CFAP61: variants seen among roughly 807,000 people sequenced by gnomAD.
CFAP61 encodes cilia- and flagella-associated protein 61.
In CFAP61, 107 loss-of-function variants were observed where a neutral mutation model predicts 135.6. The ratio of observed to expected loss-of-function variants is 0.79; its 90% confidence interval spans 0.67 to 0.93. The LOEUF (loss-of-function observed/expected upper bound fraction) is 0.93. CFAP61 is among the 40% of genes least tolerant of loss of function. The pLI is 0.00. For missense variants in CFAP61, 1,507 were observed against 1,556.2 expected, an observed-to-expected ratio of 0.97 and a Z score of 0.53; for synonymous variants, 575 against 578.5, an observed-to-expected ratio of 0.99 and a Z score of 0.09.
intron 17 of CFAP61, among the ~76,000 whole-genome samples, chr20:20,202,328 T>A (rs1407191726): frequency 6.6e-6 from 1 of 152,246 alleles, no homozygotes; most frequent in African/African-American, 2.4e-5. Flanking sequence ...AGGTGAATTC[T>A]GACTGTTTAA....
chr20:20,224,598 A>G (rs921304170), intron 17 of CFAP61, among the ~76,000 whole-genome samples: 1 of 152,106 alleles, frequency 6.6e-6, no homozygotes, highest in Non-Finnish European at 1.5e-5. Flanking sequence ...TCCCTTTGTC[A>G]AGAATCACTT....
intron 25 of CFAP61, among the ~76,000 whole-genome samples, chr20:20,300,853 G>A (rs1312540815): frequency 7.9e-5 from 12 of 151,982 alleles, no homozygotes; most frequent in African/African-American, 1.7e-4. Flanking sequence ...TGATCCACCC[G>A]CCTCCGCCTC....
intron 9 of CFAP61, among the ~76,000 whole-genome samples, chr20:20,144,982 A>G (rs944507007): frequency 2.0e-5 from 3 of 152,196 alleles, no homozygotes; most frequent in South Asian, 2.1e-4. Flanking sequence ...CTACACAGAA[A>G]AGGTGGAAAG....
intron 25 of CFAP61, among the ~76,000 whole-genome samples, chr20:20,317,588 G>T (rs928022322): frequency 6.6e-6 from 1 of 152,144 alleles, no homozygotes; most frequent in Non-Finnish European, 1.5e-5. Flanking sequence ...AATTTGGGGA[G>T]AAGAGGGCAC....
chr20:20,216,033 A>G (rs1274600920), intron 17 of CFAP61, among the ~76,000 whole-genome samples: 40 of 152,164 alleles, frequency 2.6e-4, no homozygotes, highest in Admixed American at 2.6e-3. Context: ...AAAATCCATT[A>G]TTTATTGCAC....
rs11336136 is a variant in CFAP61 at position 20,065,992 on chromosome 20, G to GA, written c.144-4854dup. On this transcript the variant is annotated intron_variant, in intron 2 of 26. Coordinates refer to ENST00000245957, the MANE Select transcript of CFAP61 (RefSeq NM_015585.4). ...ACAAAGAACTTAAACAAATTTACAA[G>GA]AAAAAAAACAACCCCATCAAAAAGT... is the stretch of plus-strand genomic sequence containing the variant. 1.7e-4 allele frequency among the ~76,000 whole-genome samples: 26 copies of GA among 151,758 alleles called. No individual in the cohort carries two copies. In the East Asian group the frequency reaches 3.9e-3, roughly 23 times the overall value.
chr20:20,323,261 C>G, intron 25 of CFAP61: 10 of 985,416 alleles, frequency 1.0e-5, no homozygotes, highest in Non-Finnish European at 1.2e-5. Flanking sequence ...CCTTCGTCTT[C>G]GATTTTTCTA....
At chr20:20,353,357 T>C (rs928936405) in intron 26 of CFAP61, among the ~76,000 whole-genome samples, 8 of 152,162 alleles carry the variant, frequency 5.3e-5, no homozygotes, top group African/African-American at 1.9e-4. Flanking sequence ...CAGGTGTGGA[T>C]GGAAATGTAC....
rs2045967997 is a variant in CFAP61, at chr20:20,075,219, C to T, written c.402C>T (p.His134=). 2 of 1,614,150 alleles carry T rather than the reference C, an allele frequency of 1.2e-6. No individual in the cohort carries two copies. Among genetic ancestry groups the T allele is most frequent in the Non-Finnish European group, 1.7e-6 (2 of 1,180,012 alleles). Residue 134 remains histidine, a synonymous_variant, in exon 5 of 27, where the codon CAC becomes CAT. Coordinates refer to ENST00000245957, the MANE Select transcript of CFAP61 (RefSeq NM_015585.4). The part of the protein sequence containing the change: ...RTVYKAVPEL[H]FIFLIVPSYM... Reference sequence around the variant, plus strand: ...TGTATAAGGCAGTGCCAGAGCTGCACTTCATATTTCTCATCGTGCCATCCT... The same window carrying T: ...TGTATAAGGCAGTGCCAGAGCTGCATTTCATATTTCTCATCGTGCCATCCT...
At chr20:20,107,124 A>C (rs2048464093) in intron 8 of CFAP61, among the ~76,000 whole-genome samples, 2 of 152,232 alleles carry the variant, frequency 1.3e-5, no homozygotes, top group African/African-American at 2.4e-5. Flanking sequence ...GGTCACTGTG[A>C]GTTCTGTTTA....
chr20:20,290,312 C>A lies in CFAP61; in HGVS notation c.3137C>A (p.Pro1046His). The A allele has an allele frequency of 6.2e-7, 1 of 1,612,388 alleles. No homozygotes were observed. The highest frequency in any genetic ancestry group is 8.5e-7 in the Non-Finnish European group (1 of 1,178,360). ...CCATCTCTTCTAGGGGGCATTCTTC[C>A]TGGGTCTTACCATTATCTGCATATT... is the stretch of plus-strand genomic sequence containing the variant. Reference protein sequence around the residue: ...KGAKIQGGILPGSYHYLHIAK... With the variant: ...KGAKIQGGILHGSYHYLHIAK... Residue 1046 changes from proline to histidine, a missense_variant, in exon 24 of 27, where the codon CCT becomes CAT. By Grantham distance (77) the Pro-to-His change is moderately conservative. Coordinates refer to ENST00000245957, the MANE Select transcript of CFAP61 (RefSeq NM_015585.4).
chr20:20,360,121 T>C, intron 26 of CFAP61, 89 bp from the exon 27 acceptor site: 1 of 958,020 alleles, frequency 1.0e-6, no homozygotes, highest in East Asian at 2.4e-5. Context: ...CAGAGCTGAC[T>C]ACTGTTGTTT....
At chr20:20,148,129 G>C (rs999011617) in intron 9 of CFAP61, among the ~76,000 whole-genome samples, 2 of 152,158 alleles carry the variant, frequency 1.3e-5, no homozygotes, top group Non-Finnish European at 2.9e-5. Flanking sequence ...TTTTATACCA[G>C]TATTATGCTG....
intron 17 of CFAP61, among the ~76,000 whole-genome samples, chr20:20,225,787 C>T (rs2048699246): frequency 6.6e-6 from 1 of 152,186 alleles, no homozygotes; most frequent in South Asian, 2.1e-4. Flanking sequence ...ATATGCTTCC[C>T]ACCTTCCTTG....
intron 26 of CFAP61, among the ~76,000 whole-genome samples, chr20:20,358,108 G>A (rs1274530089): frequency 9.4e-6 from 1 of 106,052 alleles, no homozygotes; most frequent in Non-Finnish European, 1.9e-5. Flanking sequence ...GGGGAGGTGG[G>A]CACACTGTGA....
chr20:20,307,966 G>T (rs1401314671), intron 25 of CFAP61, among the ~76,000 whole-genome samples: 3 of 152,154 alleles, frequency 2.0e-5, no homozygotes, highest in African/African-American at 7.2e-5. Flanking sequence ...AAAATTATGA[G>T]CTGTTTGAGT....
chr20:20,116,113 T>C (rs1260830374), intron 8 of CFAP61, among the ~76,000 whole-genome samples: 1 of 152,158 alleles, frequency 6.6e-6, no homozygotes, highest in Non-Finnish European at 1.5e-5. Flanking sequence ...CATCTGATAC[T>C]TTTTTGATAA....
chr20:20,337,568 G>A (rs796743865), intron 25 of CFAP61, among the ~76,000 whole-genome samples: 40 of 1,964 alleles, frequency 0.02, 3 homozygotes, highest in South Asian at 0.1. Flanking sequence ...ATGGATGGAT[G>A]GATGGATGGA....
rs1311910243 is a variant in CFAP61, at chr20:20,135,932, A to T, written c.860-6925A>T. ...TTCTTGTAGGACTGGTCTGGTGTTG[A>T]TGAAATACCTTTTGTTTGTCTAGGA... On this transcript the variant is annotated intron_variant, in intron 8 of 26. Coordinates refer to ENST00000245957, the MANE Select transcript of CFAP61 (RefSeq NM_015585.4). Among the ~76,000 whole-genome samples, 13 of 152,274 alleles carry T rather than the reference A, an allele frequency of 8.5e-5. No individual in the cohort carries two copies. The East Asian group carries it at 2.5e-3, about 29-fold the overall frequency.
Sources: allele counts gnomAD v4.1 joint callset (sites outside exome capture counted in the v4.1 genomes callset), GRCh38; gene constraint gnomAD v4.1.1; transcripts MANE v1.5; gene names NCBI Gene and HGNC (gene_info 2026-07-23, HGNC 2026-07-21).